The following ITGAL variants were observed in gnomAD, a reference collection of about 807,000 sequenced individuals.
ITGAL encodes the protein integrin subunit alpha L.
A neutral mutation model predicts 138.4 loss-of-function variants in ITGAL; 68 were observed. That is an observed-to-expected ratio of 0.49 (90% confidence interval 0.40 to 0.60). ITGAL has a LOEUF of 0.60. ITGAL is among the 20% of genes least tolerant of loss of function. The pLI, the probability that ITGAL is intolerant of heterozygous loss-of-function variation, is 0.00. For synonymous variants in ITGAL, 561 were observed against 584.3 expected (o/e 0.96, Z 0.57); for missense variants, 1,256 against 1,478.6 (o/e 0.85, Z 2.47).
At chr16:30,520,785 G>A (rs2051241300) in intron 30 of ITGAL, among the ~76,000 whole-genome samples, 1 of 152,206 alleles carries the variant, frequency 6.6e-6, no homozygotes, top group Non-Finnish European at 1.5e-5. Context: ...TGAAGGCTGA[G>A]TAGACATTAC....
chr16:30,507,664 T>G (rs1042357406), intron 21 of ITGAL, among the ~76,000 whole-genome samples: 10 of 151,192 alleles, frequency 6.6e-5, no homozygotes, highest in Non-Finnish European at 1.3e-4. Flanking sequence ...AAAAAAAAAT[T>G]TAAATAGAGA....
In ITGAL at chr16:30,499,237, C is replaced by T. The variant is rs766993659; in HGVS notation, c.1993+3C>T. ...GTCTCTCATCCCCCAGTTCCAAGGTCAGAGCTCTCCTCCTGCTCCCAGGGC... is the reference window on the plus strand; with the variant it reads ...GTCTCTCATCCCCCAGTTCCAAGGTTAGAGCTCTCCTCCTGCTCCCAGGGC... On this transcript the variant is annotated splice_donor_region_variant and intron_variant, in intron 16 of 30. Transcript: ENST00000356798. 6.2e-7 allele frequency: 1 copy of T among 1,613,990 alleles called. No homozygotes were observed. Among genetic ancestry groups the T allele is most frequent in the South Asian group, 1.1e-5 (1 of 91,060 alleles).
intron 9 of ITGAL, among the ~76,000 whole-genome samples, chr16:30,487,075 G>A (rs569955035): frequency 6.6e-6 from 1 of 151,326 alleles, no homozygotes; most frequent in Non-Finnish European, 1.5e-5. Flanking sequence ...TCCTGGAGGT[G>A]GAGTTCACAG....
At chr16:30,500,675 G>T (rs1055062317) in intron 17 of ITGAL, among the ~76,000 whole-genome samples, 1 of 151,870 alleles carries the variant, frequency 6.6e-6, no homozygotes, top group Admixed American at 6.6e-5. Context: ...TCAGCCTCCC[G>T]AGTAGCTAGG....
chr16:30,500,894 C>G (rs2151162628), intron 17 of ITGAL, among the ~76,000 whole-genome samples: 1 of 152,138 alleles, frequency 6.6e-6, no homozygotes, highest in Middle Eastern at 3.4e-3. Context: ...ATCCCAGCTA[C>G]TTGGGAGGCT....
chr16:30,484,710 G>A (rs2050613919), intron 9 of ITGAL, among the ~76,000 whole-genome samples: 2 of 152,138 alleles, frequency 1.3e-5, no homozygotes, highest in South Asian at 2.1e-4. Context: ...CCTGAGGTCA[G>A]GAGTTCGAGA....
At chr16:30,500,583 T>C (rs2050880339) in intron 17 of ITGAL, among the ~76,000 whole-genome samples, 2 of 152,006 alleles carry the variant, frequency 1.3e-5, no homozygotes, top group Non-Finnish European at 2.9e-5. Context: ...AGGGCCTTGC[T>C]CTATCGTCCA....
chr16:30,514,890 TCTC>T (rs947531910), intron 25 of ITGAL, among the ~76,000 whole-genome samples: 1 of 150,738 alleles, frequency 6.6e-6, no homozygotes, highest in African/African-American at 2.4e-5. Context: ...AGTGGCGTAA[TCTC>T]AGCTCACTGC....
At chr16:30,483,798 T>C (rs1192049169) in intron 7 of ITGAL, 29 bp from the exon 8 acceptor site, 8 of 1,582,096 alleles carry the variant, frequency 5.1e-6, no homozygotes, top group Non-Finnish European at 6.9e-6. Context: ...TTTGGGGGAG[T>C]CTCTCATCTC....
intron 11 of ITGAL, among the ~76,000 whole-genome samples, chr16:30,492,350 A>G (rs2050735359): frequency 1.3e-5 from 2 of 150,726 alleles, no homozygotes; most frequent in Admixed American, 1.3e-4. Context: ...TCCCAGGTTC[A>G]ACTGATTCTC....
At chr16:30,487,860 G>T (rs1472152888) in intron 9 of ITGAL, among the ~76,000 whole-genome samples, 3 of 151,890 alleles carry the variant, frequency 2.0e-5, no homozygotes, top group African/African-American at 7.3e-5. Context: ...TGGGATTACA[G>T]GCATGTCCCA....
intron 30 of ITGAL, 75 bp downstream of exon 30, chr16:30,520,042 G>A (rs534624254): frequency 8.9e-7 from 1 of 1,119,886 alleles, no homozygotes; most frequent in African/African-American, 1.5e-5. Context: ...GAGCCAGGGA[G>A]GAGAATACCA....
intron 26 of ITGAL, among the ~76,000 whole-genome samples, chr16:30,517,353 G>A (rs2051181951): frequency 6.6e-6 from 1 of 152,144 alleles, no homozygotes; most frequent in African/African-American, 2.4e-5. Flanking sequence ...AGCTACTCAG[G>A]AGGCAGAGGC....
At chr16:30,515,123 C>A (rs2051147912) in intron 25 of ITGAL, among the ~76,000 whole-genome samples, 1 of 152,198 alleles carries the variant, frequency 6.6e-6, no homozygotes, top group African/African-American at 2.4e-5. Flanking sequence ...CTGTGCCTGG[C>A]CTGGTCTCAA....
intron 11 of ITGAL, among the ~76,000 whole-genome samples, chr16:30,493,416 A>G (rs557635115): frequency 1.3e-5 from 2 of 152,002 alleles, no homozygotes; most frequent in South Asian, 4.1e-4. Context: ...AGCTGGGACT[A>G]CAGGCGCCTA....
At chr16:30,518,966 G>A (rs939950610) in intron 29 of ITGAL, among the ~76,000 whole-genome samples, 1 of 152,156 alleles carries the variant, frequency 6.6e-6, no homozygotes, top group Non-Finnish European at 1.5e-5. Flanking sequence ...GCTCACACCT[G>A]TAATCCTAGC....
intron 4 of ITGAL, among the ~76,000 whole-genome samples, chr16:30,476,340 C>G (rs1339412611): frequency 6.6e-6 from 1 of 151,768 alleles, no homozygotes; most frequent in Non-Finnish European, 1.5e-5. Context: ...CAGCTATTTT[C>G]AATAACTTAA....
chr16:30,499,382 C>T lies in ITGAL; in HGVS notation c.2038C>T (p.His680Tyr), dbSNP rs2050851158. Residue 680 changes from histidine (H) to tyrosine (Y), a missense_variant, in exon 17 of 31, where the codon CAC becomes TAC. Coordinates refer to ENST00000356798, the MANE Select transcript of ITGAL (RefSeq NM_002209.3). Reference protein sequence around the residue: ...NLTYTLQLDGHRTRRRGLFPG... With the variant: ...NLTYTLQLDGYRTRRRGLFPG... Reference sequence around the variant, plus strand: ...CACTTACACTCTGCAGCTGGATGGCCACCGGACCAGAAGACGGGGGTTGTT... The same window carrying T: ...CACTTACACTCTGCAGCTGGATGGCTACCGGACCAGAAGACGGGGGTTGTT... 1.2e-6 allele frequency: 2 copies of T among 1,613,968 alleles called. No homozygotes were observed. Among genetic ancestry groups the T allele is most frequent in the Non-Finnish European group, 1.7e-6 (2 of 1,180,034 alleles).
Position 30,494,125 on chromosome 16 carries a change from A to G in ITGAL, c.1214-87A>G, listed in dbSNP as rs2050764118. The G allele has an allele frequency of 8.0e-7, 1 of 1,257,388 alleles. No homozygotes were observed. Among genetic ancestry groups the G allele is most frequent in the East Asian group, 2.4e-5 (1 of 41,872 alleles). The allele number at this position is 1,257,388 out of a possible 1,614,324, so 77.9% of individuals were successfully genotyped here. On this transcript the variant is annotated intron_variant, in intron 11 of 30. Coordinates refer to ENST00000356798, the MANE Select transcript of ITGAL (RefSeq NM_002209.3). The surrounding 1 kb of genome is among the most constrained non-coding windows in gnomAD (Gnocchi z 4.2). Reference sequence around the variant, plus strand: ...TTCCATGCATCTCTGCTACTAACCCAATTCCCTGGGGCCCCTGCCCCTCTC... The same window carrying G: ...TTCCATGCATCTCTGCTACTAACCCGATTCCCTGGGGCCCCTGCCCCTCTC...
Sources: allele counts gnomAD v4.1 joint callset (sites outside exome capture counted in the v4.1 genomes callset), GRCh38; gene constraint gnomAD v4.1.1; non-coding constraint Gnocchi (gnomAD v3.1); transcripts MANE v1.5; gene names NCBI Gene and HGNC (gene_info 2026-07-23, HGNC 2026-07-21).